The following TRPC7 variants were observed in gnomAD, a reference collection of about 807,000 sequenced individuals.
TRPC7 encodes the protein transient receptor potential cation channel subfamily C member 7, also known as short transient receptor potential channel 7.
Under a neutral mutation model 90.1 loss-of-function variants are expected in TRPC7, and 42 were observed. The observed-to-expected ratio is 0.47, with a 90% CI of 0.36 to 0.60. TRPC7 has a LOEUF of 0.60. TRPC7 is among the 20% of genes least tolerant of loss of function. TRPC7 has a pLI of 0.00. For synonymous variants in TRPC7, 451 were observed against 436.3 expected, an observed-to-expected ratio of 1.03 and a Z score of -0.42; for missense variants, 955 against 1,112.3, an observed-to-expected ratio of 0.86 and a Z score of 2.01.
intron 3 of TRPC7, among the ~76,000 whole-genome samples, chr5:136,306,178 T>G (rs1220130185): frequency 2.6e-5 from 4 of 152,238 alleles, no homozygotes; most frequent in Non-Finnish European, 4.4e-5. Flanking sequence ...CCTGCCACTC[T>G]TAACTCTTGA....
At chr5:136,318,987 C>T (rs563075726) in intron 2 of TRPC7, among the ~76,000 whole-genome samples, 6 of 152,282 alleles carry the variant, frequency 3.9e-5, no homozygotes, top group African/African-American at 1.4e-4. Context: ...TAACTCTCTA[C>T]CAGTGTGTTC....
At chr5:136,344,697 G>T (rs1332014870) in intron 2 of TRPC7, among the ~76,000 whole-genome samples, 1 of 152,168 alleles carries the variant, frequency 6.6e-6, no homozygotes, top group Non-Finnish European at 1.5e-5. Context: ...CTAGCCATGG[G>T]TATTCCTTCC....
In TRPC7 at chr5:136,332,112, G is replaced by C. The variant is rs183114056; in HGVS notation, c.781-16333C>G. Among the ~76,000 whole-genome samples the C allele has an allele frequency of 3.0e-3, 456 of 152,256 alleles. 1 individual carries two copies. The highest frequency in any genetic ancestry group is 0.01 in the African/African-American group (422 of 41,560). On this transcript the variant is annotated intron_variant, in intron 2 of 11. Coordinates refer to ENST00000513104, the MANE Select transcript of TRPC7 (RefSeq NM_020389.3). ...CTCCCTGATGAGGTGATTTTGAATAGAGAGTTGAAGGAGGTGAAGGAGAGA... is the reference window on the plus strand; with the variant it reads ...CTCCCTGATGAGGTGATTTTGAATACAGAGTTGAAGGAGGTGAAGGAGAGA...
At chr5:136,244,719 G>C (rs1756280881) in intron 7 of TRPC7, among the ~76,000 whole-genome samples, 1 of 152,180 alleles carries the variant, frequency 6.6e-6, no homozygotes, top group Admixed American at 6.5e-5. Flanking sequence ...GATACATTTA[G>C]TTTTACCTTT....
intron 2 of TRPC7, among the ~76,000 whole-genome samples, chr5:136,332,639 A>G (rs1759535879): frequency 6.6e-6 from 1 of 152,164 alleles, no homozygotes; most frequent in South Asian, 2.1e-4. Context: ...AAGAGGATTT[A>G]TTGATGAATG....
intron 2 of TRPC7, among the ~76,000 whole-genome samples, chr5:136,354,482 T>C (rs1488707906): frequency 6.6e-6 from 1 of 152,208 alleles, no homozygotes; most frequent in African/African-American, 2.4e-5. Context: ...CCTGTTGGCC[T>C]GGCCTTTCTG....
chr5:136,340,990 A>T (rs965244635), intron 2 of TRPC7, among the ~76,000 whole-genome samples: 26 of 152,208 alleles, frequency 1.7e-4, no homozygotes, highest in African/African-American at 6.3e-4. Context: ...TCTGGAAGGA[A>T]GTGAGGAAAA....
rs868605812 is a variant in TRPC7, at chr5:136,365,174, T to C, written c.2+79A>G. The stretch of plus-strand genomic sequence containing the variant: ...GAGGAAGAAGGCTGATAAATGAAAG[T>C]TCAATTACATATTTTAGCGAGAACA... On this transcript the variant is annotated intron_variant, in intron 1 of 11. Coordinates refer to ENST00000513104, the MANE Select transcript of TRPC7 (RefSeq NM_020389.3). 2.6e-5 allele frequency: 38 copies of C among 1,457,770 alleles called. No individual in the cohort carries two copies. In the South Asian group the frequency reaches 3.9e-4, roughly 15 times the overall value. The allele number at this position is 1,457,770 out of a possible 1,614,324, so 90.3% of individuals were successfully genotyped here.
intron 2 of TRPC7, among the ~76,000 whole-genome samples, chr5:136,345,874 G>A (rs1269033582): frequency 1.3e-5 from 2 of 152,092 alleles, no homozygotes; most frequent in African/African-American, 4.8e-5. Flanking sequence ...ATTAATTTTT[G>A]TATAAGCTGT....
Position 136,365,385 on chromosome 5 carries a change from G to C in TRPC7, c.-131C>G. The C allele has an allele frequency of 1.1e-6, 1 of 929,636 alleles. No individual in the cohort carries two copies. Among genetic ancestry groups the C allele is most frequent in the Non-Finnish European group, 1.7e-6 (1 of 602,992 alleles). 57.6% of individuals were successfully genotyped at this position (929,636 alleles called of 1,614,324 possible). A position where few individuals can be genotyped will look rare whatever the true frequency, so the allele number is the denominator to read the frequency against. On this transcript the variant is annotated 5_prime_UTR_variant, in exon 1 of 12. Coordinates refer to ENST00000513104, the MANE Select transcript of TRPC7 (RefSeq NM_020389.3). ...TCCGTGGTGCTGAAGTATAGAGCTGGTCAAGTGAGTTAAGTTGCAACGATG... is the reference window on the plus strand; with the variant it reads ...TCCGTGGTGCTGAAGTATAGAGCTGCTCAAGTGAGTTAAGTTGCAACGATG...
chr5:136,222,333 C>T (rs1288789744), intron 10 of TRPC7, among the ~76,000 whole-genome samples: 3 of 152,134 alleles, frequency 2.0e-5, no homozygotes, highest in African/African-American at 4.8e-5. Context: ...TGTGTGTGAA[C>T]GATGGTGCTT....
At chr5:136,311,490 G>A (rs1052262955) in intron 3 of TRPC7, among the ~76,000 whole-genome samples, 1 of 152,178 alleles carries the variant, frequency 6.6e-6, no homozygotes, top group Non-Finnish European at 1.5e-5. Context: ...TGGTTGGGTT[G>A]GTTCCCAGTT....
chr5:136,304,572 T>C (rs1561710787), intron 3 of TRPC7, among the ~76,000 whole-genome samples: 1 of 152,162 alleles, frequency 6.6e-6, no homozygotes, highest in Non-Finnish European at 1.5e-5. Flanking sequence ...ACATGCTTTC[T>C]TTACTATTCC....
intron 3 of TRPC7, among the ~76,000 whole-genome samples, chr5:136,306,865 C>A (rs2149834902): frequency 6.6e-6 from 1 of 152,328 alleles, no homozygotes; most frequent in South Asian, 2.1e-4. Context: ...TTGTTCTTAA[C>A]TTCACCGCCT....
intron 5 of TRPC7, among the ~76,000 whole-genome samples, chr5:136,264,486 G>A (rs1057317093): frequency 9.2e-5 from 14 of 152,144 alleles, no homozygotes; most frequent in Admixed American, 9.2e-4. Context: ...TCTGAATTGT[G>A]AAGTTAAGAC....
chr5:136,292,829 G>C (rs1284390921), intron 3 of TRPC7, among the ~76,000 whole-genome samples: 1 of 150,462 alleles, frequency 6.6e-6, no homozygotes, highest in Non-Finnish European at 1.5e-5. Context: ...AAGCATGGCA[G>C]AGACACAACC....
chr5:136,319,138 T>C (rs958997127), intron 2 of TRPC7, among the ~76,000 whole-genome samples: 1 of 152,204 alleles, frequency 6.6e-6, no homozygotes, highest in Non-Finnish European at 1.5e-5. Context: ...TCATATATTC[T>C]TCTTTCCTCA....
intron 10 of TRPC7, among the ~76,000 whole-genome samples, chr5:136,224,913 A>T (rs1227545874): frequency 6.6e-6 from 1 of 152,102 alleles, no homozygotes; most frequent in Non-Finnish European, 1.5e-5. Context: ...CTCCTTGAAG[A>T]TGTCCTCTCT....
intron 3 of TRPC7, among the ~76,000 whole-genome samples, chr5:136,311,840 G>C (rs943459256): frequency 5.3e-5 from 8 of 152,204 alleles, no homozygotes; most frequent in African/African-American, 1.9e-4. Context: ...GATGCACTGA[G>C]GTGGGTAAGA....
Sources: allele counts gnomAD v4.1 joint callset (sites outside exome capture counted in the v4.1 genomes callset), GRCh38; gene constraint gnomAD v4.1.1; transcripts MANE v1.5; gene names NCBI Gene and HGNC (gene_info 2026-07-23, HGNC 2026-07-21).